YES1: variants seen among roughly 807,000 people sequenced by gnomAD.
The protein encoded by YES1 is YES proto-oncogene 1, Src family tyrosine kinase, also known as tyrosine-protein kinase Yes.
In YES1, 39 loss-of-function variants were observed where a neutral mutation model predicts 70.4. The ratio of observed to expected loss-of-function variants is 0.55; its 90% CI spans 0.43 to 0.72. The LOEUF is 0.72. Among genes scored for constraint, YES1 ranks in the 30% least tolerant of loss-of-function variants. The pLI, the probability that YES1 is intolerant of heterozygous loss-of-function variation, is 0.00. For synonymous variants in YES1, 198 were observed against 218.6 expected (o/e 0.91, Z 0.83); for missense variants, 495 against 644.8 (o/e 0.77, Z 2.52).
intron 6 of YES1, among the ~76,000 whole-genome samples, chr18:743,908 A>AG (rs1185802852): frequency 5.2e-5 from 7 of 134,030 alleles, no homozygotes; most frequent in Middle Eastern, 3.8e-3. Flanking sequence ...TCTGACTCGA[A>AG]AAAAAAAAAA....
rs1345385385 is a variant in YES1, at chr18:722,810, A to AG, written c.*1613dup. Reference sequence around the variant, plus strand: ...TTACATAGACTTTAGAAGTGAATGTAGGCTGGGCGCGGTGGCTCACGCCTG... The same window carrying AG: ...TTACATAGACTTTAGAAGTGAATGTAGGGCTGGGCGCGGTGGCTCACGCCTG... On this transcript the variant is annotated 3_prime_UTR_variant, in exon 12 of 12. Transcript: ENST00000314574. 2.0e-5 allele frequency: 3 copies of AG among 152,342 alleles called. No individual in the cohort carries two copies. The highest frequency in any genetic ancestry group is 4.4e-5 in the Non-Finnish European group (3 of 68,048). 9.4% of individuals were successfully genotyped at this position (152,342 alleles called of 1,614,324 possible). A position where few individuals can be genotyped will look rare whatever the true frequency, so the allele number is the denominator to read the frequency against.
chr18:776,321 G>A (rs1831118787), intron 1 of YES1, among the ~76,000 whole-genome samples: 1 of 152,000 alleles, frequency 6.6e-6, no homozygotes, highest in Non-Finnish European at 1.5e-5. Flanking sequence ...AGCCTCCCAT[G>A]TAGCTGGGAT....
Position 722,483 on chromosome 18 carries a change from G to A in YES1, c.*1941C>T, listed in dbSNP as rs912360031. 6.6e-6 allele frequency: 1 copy of A among 152,338 alleles called. No individual in the cohort carries two copies. Among genetic ancestry groups the A allele is most frequent in the African/African-American group, 2.4e-5 (1 of 41,328 alleles). The allele number at this position is 152,338 out of a possible 1,614,324, so 9.4% of individuals were successfully genotyped here. On this transcript the variant is annotated 3_prime_UTR_variant, in exon 12 of 12. Transcript: ENST00000314574. ...AAGAATTATATCCTGAAAATAGAGG[G>A]GCCTAATATAAGGCTTAATTTAAAG...
At chr18:784,699 T>C (rs935226116) in intron 1 of YES1, among the ~76,000 whole-genome samples, 1 of 152,206 alleles carries the variant, frequency 6.6e-6, no homozygotes, top group African/African-American at 2.4e-5. Flanking sequence ...GCCTGGAATG[T>C]TGTCTCTTTC....
At position 747,964 on chromosome 18, in the gene YES1, G is replaced by A. The variant is rs895603292; in HGVS notation, c.426C>T (p.Ile142=). ...CTGCAGGCGCTACATAATTGCTCGG[G>A]ATATAACCATTCTTTCCTGTAGCGA... ...RSIATGKNGY[I]PSNYVAPADS... The change falls in exon 4 of 12, where the codon ATC becomes ATT. Residue 142 remains isoleucine (I), a synonymous_variant. Transcript: ENST00000314574. 5.6e-6 allele frequency: 9 copies of A among 1,613,686 alleles called. No individual in the cohort carries two copies. Among genetic ancestry groups the A allele is most frequent in the Non-Finnish European group, 6.8e-6 (8 of 1,179,980 alleles).
At chr18:758,405 A>T (rs1904402790) in intron 1 of YES1, among the ~76,000 whole-genome samples, 2 of 151,970 alleles carry the variant, frequency 1.3e-5, no homozygotes, top group South Asian at 4.2e-4. Flanking sequence ...ATTTAACCCC[A>T]ATCTATCTTT....
intron 1 of YES1, among the ~76,000 whole-genome samples, chr18:796,171 CA>C (rs1049023689): frequency 6.6e-6 from 1 of 152,054 alleles, no homozygotes. Flanking sequence ...AAAAGGAAAA[CA>C]GGAAATTTGT....
At chr18:772,808 A>G (rs1281267866) in intron 1 of YES1, among the ~76,000 whole-genome samples, 1 of 152,184 alleles carries the variant, frequency 6.6e-6, no homozygotes, top group African/African-American at 2.4e-5. Flanking sequence ...TCTCTACCTC[A>G]TAATTTCTAC....
intron 11 of YES1, among the ~76,000 whole-genome samples, chr18:732,451 A>AG (rs2080103006): frequency 6.8e-6 from 1 of 146,660 alleles, no homozygotes; most frequent in Admixed American, 7.0e-5. Context: ...AAAAAAAAAA[A>AG]AAAAAACAAA....
rs2079990218 is a variant in YES1 at position 724,124 on chromosome 18, G to T, written c.*300C>A. 1 of 239,448 alleles carries T rather than the reference G, an allele frequency of 4.2e-6. No homozygotes were observed. Among genetic ancestry groups the T allele is most frequent in the East Asian group, 8.0e-5 (1 of 12,486 alleles). The allele number at this position is 239,448 out of a possible 1,614,324, so 14.8% of individuals were successfully genotyped here. On this transcript the variant is annotated 3_prime_UTR_variant, in exon 12 of 12. Coordinates refer to ENST00000314574, the MANE Select transcript of YES1 (RefSeq NM_005433.4). ...CTTTGGGGAAAAAAAGAAAGGAAAT[G>T]ATTTATAAATAAGCAGGAGCCTCAC...
At chr18:798,152 T>C (rs2145829227) in intron 1 of YES1, 1 of 152,318 alleles carries the variant, frequency 6.6e-6, no homozygotes, top group South Asian at 2.1e-4. Flanking sequence ...TATTTTCTTT[T>C]TGTTTGTTCT....
At chr18:745,618 GTTAAATC>G (rs2080270339) in intron 6 of YES1, 83 bp downstream of exon 6, 1 of 1,278,672 alleles carries the variant, frequency 7.8e-7, no homozygotes, top group African/African-American at 1.5e-5. Context: ...AAATAAGTGT[GTTAAATC>G]TTAAGAGAAA....
intron 1 of YES1, among the ~76,000 whole-genome samples, chr18:804,163 T>C (rs1906964285): frequency 6.6e-6 from 1 of 152,212 alleles, no homozygotes; most frequent in Non-Finnish European, 1.5e-5. Flanking sequence ...CTTTGTCAAT[T>C]AAAAAAATTA....
At chr18:730,291 A>G (rs1044168866) in intron 11 of YES1, among the ~76,000 whole-genome samples, 1 of 151,512 alleles carries the variant, frequency 6.6e-6, no homozygotes, top group African/African-American at 2.4e-5. Flanking sequence ...TAGGTCTCCC[A>G]GAGACTCTCC....
intron 4 of YES1, among the ~76,000 whole-genome samples, chr18:747,045 C>G (rs891092046): frequency 6.6e-6 from 1 of 152,160 alleles, no homozygotes; most frequent in Admixed American, 6.5e-5. Context: ...AATGCAAGTG[C>G]TTAAATGAAG....
chr18:801,610 G>C (rs1185727482), intron 1 of YES1, among the ~76,000 whole-genome samples: 2 of 152,070 alleles, frequency 1.3e-5, no homozygotes, highest in Admixed American at 6.5e-5. Flanking sequence ...ATAATTAGTA[G>C]AAATAAAGGC....
chr18:810,957 TTAAGA>T (rs60542745), intron 1 of YES1, among the ~76,000 whole-genome samples: 8,899 of 152,206 alleles, frequency 0.058, 360 homozygotes, highest in East Asian at 0.12. Flanking sequence ...ACTGTGATAG[TTAAGA>T]TATTAGATTT....
intron 11 of YES1, among the ~76,000 whole-genome samples, chr18:726,125 A>G (rs2080015510): frequency 6.6e-6 from 1 of 152,154 alleles, no homozygotes; most frequent in Non-Finnish European, 1.5e-5. Flanking sequence ...ATAAGCTTTC[A>G]TTCAAAACTT....
At chr18:803,377 AC>A (rs1406107442) in intron 1 of YES1, among the ~76,000 whole-genome samples, 4 of 152,202 alleles carry the variant, frequency 2.6e-5, no homozygotes, top group Non-Finnish European at 5.9e-5. Context: ...TTCTTTCCCT[AC>A]CCAATGCCAA....
Sources: gnomAD v4.1 joint callset for allele counts (sites outside exome capture counted in the v4.1 genomes callset) on GRCh38, gnomAD v4.1.1 for gene constraint, MANE v1.5 for transcripts, NCBI Gene and HGNC (gene_info 2026-07-23, HGNC 2026-07-21) for gene names.